The following TRMT10B variants were observed in gnomAD, a reference collection of about 807,000 sequenced individuals.
The protein encoded by TRMT10B is tRNA methyltransferase 10B.
In TRMT10B, 33 loss-of-function variants were observed where a neutral mutation model predicts 43.8. That is an observed-to-expected ratio of 0.75 (90% confidence interval 0.57 to 1.01). The LOEUF is 1.01. TRMT10B is among the 50% of genes least tolerant of loss of function. TRMT10B has a pLI of 0.00. For synonymous variants in TRMT10B, 137 were observed against 130.6 expected (o/e 1.05, Z -0.34); for missense variants, 362 against 369.8 (o/e 0.98, Z 0.17).
At chr9:37,766,674 T>C (rs1377322736) in intron 4 of TRMT10B, among the ~76,000 whole-genome samples, 1 of 152,250 alleles carries the variant, frequency 6.6e-6, no homozygotes, top group Non-Finnish European at 1.5e-5. Context: ...TTGGGCAGTA[T>C]GGCCATTTTA....
At position 37,778,019 on chromosome 9, in the gene TRMT10B, T is replaced by TA. The variant is rs777538838; in HGVS notation, c.*321dup. On this transcript the variant is annotated 3_prime_UTR_variant, in exon 9 of 9. Transcript: ENST00000297994. Reference sequence around the variant, plus strand: ...GACTCCATCTCAAAAAAAAAATAAATAAAAAAAAATGCAGCTGCAGGAGTG... The same window carrying TA: ...GACTCCATCTCAAAAAAAAAATAAATAAAAAAAAAATGCAGCTGCAGGAGTG... 1.4e-3 allele frequency: 295 copies of TA among 203,694 alleles called. 3 individuals carry two copies. The East Asian group carries it at 0.018, about 13-fold the overall frequency. 12.6% of individuals were successfully genotyped at this position (203,694 alleles called of 1,614,324 possible).
rs1015614516 is a variant in TRMT10B at position 37,770,551 on chromosome 9, GTTTC to G, written c.653-117_653-114del. The G allele has an allele frequency of 2.9e-4, 272 of 931,332 alleles. No individual in the cohort carries two copies. In the African/African-American group the frequency reaches 3.7e-3, roughly 13 times the overall value. 57.7% of individuals were successfully genotyped at this position (931,332 alleles called of 1,614,324 possible). A position where few individuals can be genotyped will look rare whatever the true frequency, so the allele number is the denominator to read the frequency against. On this transcript the variant is annotated intron_variant, in intron 6 of 8. Coordinates refer to ENST00000297994, the MANE Select transcript of TRMT10B (RefSeq NM_144964.4). Reference sequence around the variant, plus strand: ...ATTAGCTTTTGGTTTTATTGAGCAAGTTTCTTTTTGTTTTCTACTGAATTTCTAC... The same window carrying G: ...ATTAGCTTTTGGTTTTATTGAGCAAGTTTTTGTTTTCTACTGAATTTCTAC...
At chr9:37,774,145 G>A (rs1189863104) in intron 7 of TRMT10B, among the ~76,000 whole-genome samples, 1 of 152,012 alleles carries the variant, frequency 6.6e-6, no homozygotes, top group Non-Finnish European at 1.5e-5. Context: ...AAGTAGCTGG[G>A]ACCACAGGTG....
intron 1 of TRMT10B, among the ~76,000 whole-genome samples, chr9:37,757,611 G>C (rs1825861163): frequency 6.6e-6 from 1 of 152,102 alleles, no homozygotes; most frequent in Admixed American, 6.5e-5. Flanking sequence ...TATATCTGGT[G>C]GTCACATGTT....
At chr9:37,771,297 A>ATTTT (rs1409790711) in intron 7 of TRMT10B, among the ~76,000 whole-genome samples, 2 of 152,204 alleles carry the variant, frequency 1.3e-5, no homozygotes, top group African/African-American at 4.8e-5. Context: ...TAACATATAA[A>ATTTT]TATAAAAGAG....
At chr9:37,764,236 C>T (rs1826733566) in intron 4 of TRMT10B, among the ~76,000 whole-genome samples, 2 of 151,862 alleles carry the variant, frequency 1.3e-5, no homozygotes. Context: ...GCAACCTCTG[C>T]TTCCTGGGTT....
intron 4 of TRMT10B, 132 bp downstream of exon 4, chr9:37,763,885 A>G: frequency 1.9e-6 from 3 of 1,549,724 alleles, no homozygotes; most frequent in Non-Finnish European, 2.6e-6. Flanking sequence ...TTGATTTTCT[A>G]TACTGGGTTA....
At chr9:37,753,361 C>CT (rs1297245589), upstream of TRMT10B, among the ~76,000 whole-genome samples, 2 of 152,308 alleles carry the variant, frequency 1.3e-5, no homozygotes, top group Admixed American at 1.3e-4. Context: ...CTAAACTCCG[C>CT]AAGGGATGGG....
In TRMT10B at chr9:37,769,618, G is replaced by GTT. The variant is rs796085877; in HGVS notation, c.574-308_574-307dup. The GTT allele has an allele frequency of 6.1e-3, 1,096 of 178,622 alleles. 7 individuals are homozygous for GTT. The highest frequency in any genetic ancestry group is 0.019 in the African/African-American group (753 of 40,040). The allele number at this position is 178,622 out of a possible 1,614,324, so 11.1% of individuals were successfully genotyped here. On this transcript the variant is annotated intron_variant, in intron 5 of 8. Coordinates refer to ENST00000297994, the MANE Select transcript of TRMT10B (RefSeq NM_144964.4). ...AACTAGTCGTTGAATTTTGAGCGGGGTTTTTTTTTTTTTTTTAAAGACAGG... is the reference window on the plus strand; with the variant it reads ...AACTAGTCGTTGAATTTTGAGCGGGGTTTTTTTTTTTTTTTTTTAAAGACAGG...
intron 1 of TRMT10B, among the ~76,000 whole-genome samples, chr9:37,755,423 C>T (rs1369931023): frequency 6.6e-6 from 1 of 151,654 alleles, no homozygotes; most frequent in African/African-American, 2.4e-5. Flanking sequence ...GTTCCTATGT[C>T]CAAAAAAAAA....
intron 1 of TRMT10B, among the ~76,000 whole-genome samples, chr9:37,759,319 T>C (rs934954333): frequency 6.6e-6 from 1 of 152,188 alleles, no homozygotes; most frequent in Non-Finnish European, 1.5e-5. Context: ...TACTGATACA[T>C]GCAGCAACAT....
At chr9:37,762,787 T>C in intron 3 of TRMT10B, 102 bp downstream of exon 3, 1 of 1,352,290 alleles carries the variant, frequency 7.4e-7, no homozygotes, top group South Asian at 1.5e-5. Flanking sequence ...AAAAAGCATC[T>C]GGGATGTGGG....
chr9:37,759,392 A>G (rs1034253471), intron 1 of TRMT10B, among the ~76,000 whole-genome samples: 2 of 152,266 alleles, frequency 1.3e-5, no homozygotes, highest in South Asian at 2.1e-4. Context: ...TACTGTTTGC[A>G]TCTATTTATA....
At position 37,762,112 on chromosome 9, in the gene TRMT10B, T is replaced by C. The variant is rs1313579707; in HGVS notation, c.181T>C (p.Cys61Arg). Residue 61 changes from cysteine to arginine, a missense_variant, in exon 2 of 9, where the codon TGC becomes CGC. Cys to Arg is a radical substitution (Grantham distance 180). Transcript: ENST00000297994. Reference protein sequence around the residue: ...EILATGSTAWCSKNVQRKQRH... With the variant: ...EILATGSTAWRSKNVQRKQRH... ...CCTGGCCACAGGCAGTACGGCATGG[T>C]GCTCGGTGAGTGCGTGAATTGCCTG... is the stretch of plus-strand genomic sequence containing the variant. 3 of 1,612,610 alleles carry C rather than the reference T, an allele frequency of 1.9e-6. No homozygotes were observed. The highest frequency in any genetic ancestry group is 2.5e-6 in the Non-Finnish European group (3 of 1,179,008).
At chr9:37,769,081 G>A (rs1827271677) in intron 5 of TRMT10B, among the ~76,000 whole-genome samples, 1 of 151,982 alleles carries the variant, frequency 6.6e-6, no homozygotes, top group African/African-American at 2.4e-5. Flanking sequence ...GCCGAGGCAG[G>A]TGGATTGTTT....
At chr9:37,768,948 TC>T (rs1488329940) in intron 5 of TRMT10B, among the ~76,000 whole-genome samples, 2 of 152,190 alleles carry the variant, frequency 1.3e-5, no homozygotes, top group Non-Finnish European at 2.9e-5. Context: ...TCCCTTACTT[TC>T]CTGTCTTCGT....
chr9:37,762,107 C>A lies in TRMT10B; in HGVS notation c.176C>A (p.Ala59Glu). Residue 59 changes from alanine to glutamate, a missense_variant, in exon 2 of 9, where the codon GCA becomes GAA. Coordinates refer to ENST00000297994, the MANE Select transcript of TRMT10B (RefSeq NM_144964.4). Reference sequence around the variant, plus strand: ...GAGATCCTGGCCACAGGCAGTACGGCATGGTGCTCGGTGAGTGCGTGAATT... The same window carrying A: ...GAGATCCTGGCCACAGGCAGTACGGAATGGTGCTCGGTGAGTGCGTGAATT... Reference protein sequence around the residue: ...EGEILATGSTAWCSKNVQRKQ... With the variant: ...EGEILATGSTEWCSKNVQRKQ... The A allele has an allele frequency of 6.2e-7, 1 of 1,613,334 alleles. No homozygotes were observed. The highest frequency in any genetic ancestry group is 8.5e-7 in the Non-Finnish European group (1 of 1,179,554).
chr9:37,763,483 CTG>C (rs1232046024), intron 3 of TRMT10B, 144 bp from the exon 4 acceptor site: 2 of 662,684 alleles, frequency 3.0e-6, no homozygotes, highest in Non-Finnish European at 5.1e-6. Flanking sequence ...CCTCACCACT[CTG>C]TGTAAATCTT....
chr9:37,755,468 A>G (rs1479654538), intron 1 of TRMT10B, among the ~76,000 whole-genome samples: 1 of 152,152 alleles, frequency 6.6e-6, no homozygotes, highest in Non-Finnish European at 1.5e-5. Flanking sequence ...TCCCACACAG[A>G]TTGAGCAGAT....
Sources: gnomAD v4.1 joint callset for allele counts (sites outside exome capture counted in the v4.1 genomes callset) on GRCh38, gnomAD v4.1.1 for gene constraint, MANE v1.5 for transcripts, NCBI Gene and HGNC (gene_info 2026-07-23, HGNC 2026-07-21) for gene names.